The following NCKAP5 variants were observed in gnomAD, a reference collection of about 807,000 sequenced individuals.
The protein encoded by NCKAP5 is nck-associated protein 5.
Under a neutral mutation model 167.0 loss-of-function variants are expected in NCKAP5, and 92 were observed. The ratio of observed to expected loss-of-function variants is 0.55; its 90% CI spans 0.47 to 0.66. The LOEUF is 0.66. Among genes scored for constraint, NCKAP5 ranks in the 30% least tolerant of loss-of-function variants. NCKAP5 has a pLI of 0.00. For synonymous variants in NCKAP5, 891 were observed against 877.4 expected (o/e 1.02, Z -0.27); for missense variants, 2,378 against 2,315.0 (o/e 1.03, Z -0.56).
intron 13 of NCKAP5, among the ~76,000 whole-genome samples, chr2:132,789,350 C>G (rs1363386359): frequency 6.6e-6 from 1 of 152,174 alleles, no homozygotes; most frequent in African/African-American, 2.4e-5. Context: ...ATGCAGCAGG[C>G]TCTGTACTTT....
At chr2:132,694,857 C>T (rs2709545) in intron 19 of NCKAP5, among the ~76,000 whole-genome samples, 99,524 of 152,094 alleles carry the variant, frequency 0.65, 33,800 homozygotes, top group African/African-American at 0.85. Context: ...TTAGTCGCCA[C>T]CCTCCAGTCT....
intron 6 of NCKAP5, among the ~76,000 whole-genome samples, chr2:133,094,165 T>C (rs535560577): frequency 6.6e-6 from 1 of 152,286 alleles, no homozygotes; most frequent in African/African-American, 2.4e-5. Context: ...GTGAACATTG[T>C]CGCCGGATAA....
chr2:133,274,387 G>C lies in NCKAP5; in HGVS notation c.143+28650C>G, dbSNP rs1233230173. On this transcript the variant is annotated intron_variant, in intron 4 of 19. Coordinates refer to ENST00000409261, the MANE Select transcript of NCKAP5 (RefSeq NM_207363.3). ...CTTTGTTGAAGGGCTTAAAAGAATG[G>C]AGTAAATAGTAAAACATATAAAAGT... 4.6e-5 allele frequency among the ~76,000 whole-genome samples: 7 copies of C among 152,064 alleles called. No individual in the cohort carries two copies. In the East Asian group the frequency reaches 1.3e-3, roughly 29 times the overall value.
intron 8 of NCKAP5, among the ~76,000 whole-genome samples, chr2:132,886,091 C>T (rs1373012822): frequency 6.6e-6 from 1 of 152,172 alleles, no homozygotes; most frequent in African/African-American, 2.4e-5. Flanking sequence ...CTCCCATTGG[C>T]CTTTCTAAAT....
chr2:133,504,060 T>C (rs998762327), intron 3 of NCKAP5, among the ~76,000 whole-genome samples: 2 of 152,254 alleles, frequency 1.3e-5, no homozygotes, highest in Non-Finnish European at 2.9e-5. Flanking sequence ...TGTTTTCCAT[T>C]TGCAGAGGGA....
intron 19 of NCKAP5, among the ~76,000 whole-genome samples, chr2:132,710,074 A>T (rs1489985595): frequency 6.6e-6 from 1 of 152,162 alleles, no homozygotes; most frequent in East Asian, 1.9e-4. Flanking sequence ...TTTAATTTTT[A>T]AAATATATAA....
At chr2:133,613,855 T>C in the NCKAP5 span, among the ~76,000 whole-genome samples, 1 of 152,174 alleles carries the variant, frequency 6.6e-6, no homozygotes, top group African/African-American at 2.4e-5. Context: ...CTAGTCTTCT[T>C]AGAGTGTTAA....
intron 3 of NCKAP5, among the ~76,000 whole-genome samples, chr2:133,453,408 A>G (rs1412654130): frequency 6.6e-6 from 1 of 152,174 alleles, no homozygotes; most frequent in Non-Finnish European, 1.5e-5. Flanking sequence ...TAATCTGATA[A>G]AAATATTGTG....
Position 133,113,541 on chromosome 2 carries a change from T to C in NCKAP5, c.341+16437A>G, listed in dbSNP as rs2081981929. Among the ~76,000 whole-genome samples, 4 of 152,210 alleles carry C rather than the reference T, an allele frequency of 2.6e-5. 1 individual carries two copies. The South Asian group carries it at 8.3e-4, about 32-fold the overall frequency. ...TCAGGGGGCTTCACTCCGAGCCTCC[T>C]CTAGCCATCCCCTTCCACCAGGTGT... is the stretch of plus-strand genomic sequence containing the variant. On this transcript the variant is annotated intron_variant, in intron 6 of 19. Coordinates refer to ENST00000409261, the MANE Select transcript of NCKAP5 (RefSeq NM_207363.3).
chr2:133,376,889 A>G (rs906212149), intron 3 of NCKAP5, among the ~76,000 whole-genome samples: 1 of 152,178 alleles, frequency 6.6e-6, no homozygotes, highest in African/African-American at 2.4e-5. Context: ...TCCCATTCCT[A>G]TAGGAAACTT....
chr2:133,358,178 T>C (rs940713738), intron 3 of NCKAP5, among the ~76,000 whole-genome samples: 2 of 152,216 alleles, frequency 1.3e-5, no homozygotes, highest in Non-Finnish European at 2.9e-5. Context: ...TACGTATCTG[T>C]TTCTTACTCT....
At chr2:133,136,514 G>A (rs2082792202) in intron 5 of NCKAP5, among the ~76,000 whole-genome samples, 1 of 152,170 alleles carries the variant, frequency 6.6e-6, no homozygotes, top group South Asian at 2.1e-4. Flanking sequence ...CATCTCAGGT[G>A]TCCTATGCTG....
At chr2:132,889,597 T>A (rs1692524526) in intron 8 of NCKAP5, among the ~76,000 whole-genome samples, 1 of 152,038 alleles carries the variant, frequency 6.6e-6, no homozygotes, top group Non-Finnish European at 1.5e-5. Flanking sequence ...GACCGACCCT[T>A]GAATCAGTCT....
At chr2:133,334,384 C>A (rs569617329) in intron 3 of NCKAP5, among the ~76,000 whole-genome samples, 1 of 152,104 alleles carries the variant, frequency 6.6e-6, no homozygotes, top group Non-Finnish European at 1.5e-5. Flanking sequence ...GCATGCCATG[C>A]GACAGATGCT....
At chr2:133,347,807 A>G (rs1684079320) in intron 3 of NCKAP5, among the ~76,000 whole-genome samples, 1 of 152,180 alleles carries the variant, frequency 6.6e-6, no homozygotes, top group South Asian at 2.1e-4. Context: ...CTGACCTACA[A>G]GGCTGGGCCC....
intron 5 of NCKAP5, among the ~76,000 whole-genome samples, chr2:133,177,502 T>G (rs1036005562): frequency 6.6e-6 from 1 of 152,084 alleles, no homozygotes; most frequent in Non-Finnish European, 1.5e-5. Context: ...GTTCTCAGAA[T>G]GCAAACATGG....
chr2:133,129,822 C>A, intron 6 of NCKAP5, 156 bp downstream of exon 6: 1 of 791,978 alleles, frequency 1.3e-6, no homozygotes. Context: ...GTCTGAATGC[C>A]ATAGGATGCT....
At chr2:133,335,410 G>A (rs1157256082) in intron 3 of NCKAP5, among the ~76,000 whole-genome samples, 2 of 152,088 alleles carry the variant, frequency 1.3e-5, no homozygotes, top group Non-Finnish European at 2.9e-5. Context: ...TGTACCTTTT[G>A]CTTTCCTTTA....
chr2:133,038,405 G>A (rs919124949), intron 6 of NCKAP5, among the ~76,000 whole-genome samples: 10 of 152,012 alleles, frequency 6.6e-5, no homozygotes, highest in African/African-American at 1.9e-4. Context: ...CTTATTTGTC[G>A]GATCTAAAAA....
Sources: allele counts gnomAD v4.1 joint callset (sites outside exome capture counted in the v4.1 genomes callset), GRCh38; gene constraint gnomAD v4.1.1; transcripts MANE v1.5; gene names NCBI Gene and HGNC (gene_info 2026-07-23, HGNC 2026-07-21).